The following CERS6 variants were observed in gnomAD, a reference collection of about 807,000 sequenced individuals.
The protein encoded by CERS6 is LAG1 homolog, ceramide synthase 6.
A neutral mutation model predicts 56.8 loss-of-function variants in CERS6; 26 were observed. That is an observed-to-expected ratio of 0.46 (90% CI 0.34 to 0.63). The LOEUF (loss-of-function observed/expected upper bound fraction) is 0.63. Among genes scored for constraint, CERS6 ranks in the 30% least tolerant of loss-of-function variants. The pLI is 0.01. For synonymous variants in CERS6, 164 were observed against 173.3 expected (o/e 0.95, Z 0.42); for missense variants, 415 against 467.5 (o/e 0.89, Z 1.04).
intron 4 of CERS6, among the ~76,000 whole-genome samples, chr2:168,638,230 A>G (rs1008171721): frequency 6.6e-6 from 1 of 152,150 alleles, no homozygotes. Context: ...CAGACTGGGT[A>G]TAGAAATTCC....
chr2:168,532,194 A>G lies in CERS6; in HGVS notation c.171-15402A>G, dbSNP rs538647150. Among the ~76,000 whole-genome samples, 11 of 152,262 alleles carry G rather than the reference A, an allele frequency of 7.2e-5. No individual in the cohort carries two copies. The East Asian group carries it at 2.1e-3, about 29-fold the overall frequency. On this transcript the variant is annotated intron_variant, in intron 1 of 9. Transcript: ENST00000305747. ...CTTACTGCACACTACTCTGCATGCCATCCTCCCCTATCTCTGTCCCATTCC... is the reference window on the plus strand; with the variant it reads ...CTTACTGCACACTACTCTGCATGCCGTCCTCCCCTATCTCTGTCCCATTCC...
chr2:168,727,840 G>T (rs951543635), intron 8 of CERS6, among the ~76,000 whole-genome samples: 1 of 152,220 alleles, frequency 6.6e-6, no homozygotes, highest in Non-Finnish European at 1.5e-5. Flanking sequence ...ATATTAGAAA[G>T]ATTTGAAGGA....
intron 8 of CERS6, among the ~76,000 whole-genome samples, chr2:168,729,359 A>G (rs1683449731): frequency 6.6e-6 from 1 of 152,174 alleles, no homozygotes; most frequent in South Asian, 2.1e-4. Flanking sequence ...CTATGTTTCT[A>G]TTTGCTTAGG....
At chr2:168,478,986 G>A (rs1405917697) in intron 1 of CERS6, among the ~76,000 whole-genome samples, 3 of 152,132 alleles carry the variant, frequency 2.0e-5, no homozygotes, top group South Asian at 2.1e-4. Flanking sequence ...TGAGAACTTC[G>A]TTAATTTTGG....
At chr2:168,718,163 C>G (rs1002187139) in intron 8 of CERS6, among the ~76,000 whole-genome samples, 185 bp downstream of exon 8, 1 of 152,180 alleles carries the variant, frequency 6.6e-6, no homozygotes, top group Non-Finnish European at 1.5e-5. Flanking sequence ...CTAATGATTT[C>G]CACAGGATAG....
At chr2:168,694,478 A>AT (rs1686589220) in intron 5 of CERS6, among the ~76,000 whole-genome samples, 1 of 152,064 alleles carries the variant, frequency 6.6e-6, no homozygotes, top group African/African-American at 2.4e-5. Context: ...TGTACTGAAC[A>AT]TTTTTTTCTA....
chr2:168,738,206 G>A (rs552507435), intron 8 of CERS6, among the ~76,000 whole-genome samples: 2 of 152,322 alleles, frequency 1.3e-5, no homozygotes, highest in African/African-American at 4.8e-5. Context: ...ATGAAGCTGG[G>A]CGTGGTAGTC....
intron 1 of CERS6, among the ~76,000 whole-genome samples, chr2:168,461,129 G>A (rs1693772000): frequency 2.6e-5 from 4 of 152,180 alleles, no homozygotes; most frequent in South Asian, 2.1e-4. Flanking sequence ...TTCCTATAGT[G>A]TACCTTGTAA....
At chr2:168,548,211 G>C (rs1034687008) in intron 2 of CERS6, among the ~76,000 whole-genome samples, 1 of 152,120 alleles carries the variant, frequency 6.6e-6, no homozygotes, top group Non-Finnish European at 1.5e-5. Context: ...GAAGAAGGAG[G>C]GTCAGGAGAG....
intron 1 of CERS6, among the ~76,000 whole-genome samples, chr2:168,515,326 G>C (rs1694866241): frequency 2.0e-5 from 3 of 151,992 alleles, no homozygotes; most frequent in Admixed American, 2.0e-4. Flanking sequence ...TCCAAGCCCG[G>C]CATGTAAATT....
chr2:168,651,575 AG>A (rs1685341066), intron 4 of CERS6, among the ~76,000 whole-genome samples: 4 of 152,212 alleles, frequency 2.6e-5, no homozygotes, highest in Admixed American at 2.6e-4. Flanking sequence ...TTATAGTTGA[AG>A]GCAAAGGAGA....
chr2:168,649,655 G>C (rs1685295993), intron 4 of CERS6, among the ~76,000 whole-genome samples: 3 of 152,072 alleles, frequency 2.0e-5, no homozygotes, highest in African/African-American at 7.2e-5. Context: ...TAGCAGCTCT[G>C]TTTTGCCACT....
intron 3 of CERS6, among the ~76,000 whole-genome samples, chr2:168,596,555 CT>C (rs35269601): frequency 0.018 from 2,066 of 114,680 alleles, 20 homozygotes; most frequent in African/African-American, 0.069. Context: ...ATCCCCCCCC[CT>C]TTTTTTTTTT....
At chr2:168,698,236 GAAAAAAAAAAAAAAAAAAGA>G (rs1686711283) in intron 6 of CERS6, among the ~76,000 whole-genome samples, 1 of 124,970 alleles carries the variant, frequency 8.0e-6, no homozygotes, top group Non-Finnish European at 1.6e-5. Context: ...TGTCTCACAG[GAAAAAAAAAAAAAAAAAAGA>G]AAAAAAAAAA....
intron 4 of CERS6, among the ~76,000 whole-genome samples, chr2:168,679,079 A>G (rs1050854212): frequency 1.3e-5 from 2 of 152,236 alleles, no homozygotes; most frequent in African/African-American, 4.8e-5. Context: ...TACACCAAAT[A>G]CAGAATGACA....
chr2:168,772,556 T>TC lies in CERS6; in HGVS notation c.*2898dup, dbSNP rs2105476137. The stretch of plus-strand genomic sequence containing the variant: ...TTGTTTGTCAGCCTCCTGTTCATGT[T>TC]CCCCACACACCTGAAGGTGGTAGAA... On this transcript the variant is annotated 3_prime_UTR_variant, in exon 10 of 10. Transcript: ENST00000305747. The TC allele has an allele frequency of 6.5e-6, 1 of 152,750 alleles. No individual in the cohort carries two copies. The highest frequency in any genetic ancestry group is 1.5e-5 in the Non-Finnish European group (1 of 68,038). The allele number at this position is 152,750 out of a possible 1,614,324, so 9.5% of individuals were successfully genotyped here. A position where few individuals can be genotyped will look rare whatever the true frequency, so the allele number is the denominator to read the frequency against.
chr2:168,587,995 T>G (rs1683583682), intron 3 of CERS6, among the ~76,000 whole-genome samples: 2 of 152,074 alleles, frequency 1.3e-5, no homozygotes, highest in Admixed American at 1.3e-4. Flanking sequence ...GGCGCAGTTA[T>G]AGCTCACTGC....
At chr2:168,637,248 C>T (rs939183861) in intron 4 of CERS6, among the ~76,000 whole-genome samples, 1 of 152,052 alleles carries the variant, frequency 6.6e-6, no homozygotes, top group Admixed American at 6.6e-5. Context: ...GAGGCTGAAG[C>T]GCGTGGATCA....
rs900650519 is a variant in CERS6, at chr2:168,719,486, T to A, written c.845+1508T>A. On this transcript the variant is annotated intron_variant, in intron 8 of 9. Coordinates refer to ENST00000305747, the MANE Select transcript of CERS6 (RefSeq NM_203463.3). ...AGTTTTAAGAAGCATTTCATAGACCTATTTCCCCTTCAAAGACTGTGCTTT... is the reference window on the plus strand; with the variant it reads ...AGTTTTAAGAAGCATTTCATAGACCAATTTCCCCTTCAAAGACTGTGCTTT... Among the ~76,000 whole-genome samples the A allele has an allele frequency of 1.3e-5, 2 of 152,236 alleles. 1 individual carries two copies. The highest frequency in any genetic ancestry group is 2.9e-5 in the Non-Finnish European group (2 of 68,028).
Sources: allele counts gnomAD v4.1 joint callset (sites outside exome capture counted in the v4.1 genomes callset), GRCh38; gene constraint gnomAD v4.1.1; transcripts MANE v1.5; gene names NCBI Gene and HGNC (gene_info 2026-07-23, HGNC 2026-07-21).